KALRN: variants seen among roughly 807,000 people sequenced by gnomAD.
KALRN encodes kalirin RhoGEF kinase, also known as kalirin.
A neutral mutation model predicts 353.7 loss-of-function variants in KALRN; 70 were observed. The observed-to-expected ratio is 0.20, with a 90% confidence interval of 0.16 to 0.24. The LOEUF is 0.24. Among genes scored for constraint, KALRN ranks in the 10% least tolerant of loss-of-function variants. The pLI is 1.00. For synonymous variants in KALRN, 1,391 were observed against 1,434.8 expected (o/e 0.97, Z 0.69); for missense variants, 2,791 against 3,756.7 (o/e 0.74, Z 6.72).
intron 1 of KALRN, among the ~76,000 whole-genome samples, chr3:124,132,380 C>T (rs1164177305): frequency 6.6e-6 from 1 of 152,138 alleles, no homozygotes; most frequent in Non-Finnish European, 1.5e-5. Context: ...GCCTAGAACC[C>T]GAGCCGGTGA....
At chr3:124,072,823 T>C (rs2060081511) in intron 1 of KALRN, among the ~76,000 whole-genome samples, 1 of 152,250 alleles carries the variant, frequency 6.6e-6, no homozygotes, top group South Asian at 2.1e-4. Flanking sequence ...TGTGTAGAAG[T>C]TGCTGGCCAG....
chr3:124,547,132 C>G (rs970032874), intron 33 of KALRN, among the ~76,000 whole-genome samples: 2 of 151,888 alleles, frequency 1.3e-5, no homozygotes, highest in African/African-American at 4.8e-5. Flanking sequence ...TTTTTAAATT[C>G]CATTTTAATT....
At chr3:124,086,568 A>G (rs1026879978) in intron 1 of KALRN, among the ~76,000 whole-genome samples, 4 of 152,104 alleles carry the variant, frequency 2.6e-5, no homozygotes, top group Non-Finnish European at 4.4e-5. Flanking sequence ...TGTAAATTAG[A>G]GATATTAACC....
chr3:124,556,478 G>A (rs2071261851), intron 33 of KALRN, among the ~76,000 whole-genome samples: 1 of 152,174 alleles, frequency 6.6e-6, no homozygotes, highest in Admixed American at 6.5e-5. Context: ...TTCTGGAGAA[G>A]CCTTCAGAGT....
chr3:124,582,992 C>T (rs958719185), intron 34 of KALRN, among the ~76,000 whole-genome samples: 8 of 152,128 alleles, frequency 5.3e-5, no homozygotes, highest in African/African-American at 1.7e-4. Flanking sequence ...CTCCCTGCAT[C>T]GTTCAGGCTG....
At chr3:124,174,171 T>C (rs1469212324) in intron 1 of KALRN, among the ~76,000 whole-genome samples, 2 of 152,106 alleles carry the variant, frequency 1.3e-5, no homozygotes. Context: ...TGGTAGCTCA[T>C]GCCTGTAATC....
intron 1 of KALRN, among the ~76,000 whole-genome samples, chr3:124,111,452 G>A (rs923479059): frequency 2.6e-5 from 4 of 152,108 alleles, no homozygotes; most frequent in Admixed American, 2.6e-4. Context: ...TTACCCTGTG[G>A]GACTGAAGTT....
At chr3:124,223,300 G>A (rs1380492854) in intron 1 of KALRN, among the ~76,000 whole-genome samples, 1 of 152,078 alleles carries the variant, frequency 6.6e-6, no homozygotes, top group African/African-American at 2.4e-5. Context: ...AACCTAACTA[G>A]GGTCCAGCCA....
At chr3:124,628,472 T>C in intron 34 of KALRN, among the ~76,000 whole-genome samples, 1 of 98,398 alleles carries the variant, frequency 1.0e-5, no homozygotes, top group Non-Finnish European at 2.2e-5. Flanking sequence ...TTCCCTTCCT[T>C]CCCTTCCTTC....
chr3:124,325,468 A>T (rs539853497), intron 6 of KALRN, among the ~76,000 whole-genome samples: 64 of 152,270 alleles, frequency 4.2e-4, no homozygotes, highest in African/African-American at 1.5e-3. Context: ...TTGCTAGGTG[A>T]TAGGAAGATG....
At chr3:124,047,756 G>T (rs1300194291) in intron 1 of KALRN, among the ~76,000 whole-genome samples, 3 of 151,586 alleles carry the variant, frequency 2.0e-5, no homozygotes, top group Non-Finnish European at 4.4e-5. Flanking sequence ...GCCTGCCTTG[G>T]CCTCCCGAAG....
intron 58 of KALRN, among the ~76,000 whole-genome samples, chr3:124,716,746 C>T (rs1417779313): frequency 6.6e-6 from 1 of 152,220 alleles, no homozygotes; most frequent in Admixed American, 6.5e-5. Flanking sequence ...TTCGAGGCTG[C>T]AGTGAGCTAT....
At chr3:124,610,750 A>G (rs766063704) in intron 34 of KALRN, among the ~76,000 whole-genome samples, 1 of 152,056 alleles carries the variant, frequency 6.6e-6, no homozygotes, top group Non-Finnish European at 1.5e-5. Flanking sequence ...GTGGCTTACA[A>G]CTGTAAGCCC....
At chr3:124,456,920 C>T (rs895224783) in intron 23 of KALRN, among the ~76,000 whole-genome samples, 192 bp downstream of exon 23, 1 of 152,190 alleles carries the variant, frequency 6.6e-6, no homozygotes, top group African/African-American at 2.4e-5. Context: ...CTGTCCTTCA[C>T]CTGAATTCTC....
At chr3:124,176,777 G>T (rs1013058148) in intron 1 of KALRN, among the ~76,000 whole-genome samples, 4 of 152,126 alleles carry the variant, frequency 2.6e-5, no homozygotes, top group Non-Finnish European at 4.4e-5. Context: ...AAGGAAATTT[G>T]GGAGATGTAT....
At chr3:124,631,233 C>T (rs771524071) in intron 34 of KALRN, among the ~76,000 whole-genome samples, 111 of 152,164 alleles carry the variant, frequency 7.3e-4, no homozygotes, top group African/African-American at 2.5e-3. Context: ...CCATGCCTCT[C>T]GCTGATCTCA....
intron 51 of KALRN, among the ~76,000 whole-genome samples, chr3:124,680,313 C>A (rs1339165320): frequency 1.3e-5 from 2 of 152,252 alleles, no homozygotes; most frequent in African/African-American, 4.8e-5. Context: ...CCACTTCCAA[C>A]TCCCAGTCTG....
intron 1 of KALRN, among the ~76,000 whole-genome samples, chr3:124,126,774 C>G (rs994932743): frequency 4.6e-5 from 7 of 152,204 alleles, no homozygotes; most frequent in African/African-American, 1.7e-4. Flanking sequence ...TTCATCTACT[C>G]CATATGTTCA....
At chr3:124,692,073 C>T (rs950315801) in intron 51 of KALRN, among the ~76,000 whole-genome samples, 1 of 152,188 alleles carries the variant, frequency 6.6e-6, no homozygotes, top group African/African-American at 2.4e-5. Context: ...CATGTTGATT[C>T]GCTTTAGAGA....
Sources: allele counts gnomAD v4.1 joint callset (sites outside exome capture counted in the v4.1 genomes callset), GRCh38; gene constraint gnomAD v4.1.1; transcripts MANE v1.5; gene names NCBI Gene and HGNC (gene_info 2026-07-23, HGNC 2026-07-21).